The following FGF12 variants were observed in gnomAD, a reference collection of about 807,000 sequenced individuals.
The protein encoded by FGF12 is fibroblast growth factor 12, also known as fibroblast growth factor 12B.
FGF12 carries 14 observed loss-of-function variants against 23.6 expected under a neutral mutation model. The ratio of observed to expected loss-of-function variants is 0.59; its 90% CI spans 0.39 to 0.93. The LOEUF (loss-of-function observed/expected upper bound fraction) is 0.93, where lower values mean the gene tolerates loss of function less well. Ranked by LOEUF, FGF12 falls within the 40% of genes least tolerant of loss-of-function variation. FGF12 has a pLI of 0.00. For synonymous variants in FGF12, 62 were observed against 77.3 expected, an observed-to-expected ratio of 0.80 and a Z score of 1.04; for missense variants, 175 against 217.8, an observed-to-expected ratio of 0.80 and a Z score of 1.24.
intron 2 of FGF12, among the ~76,000 whole-genome samples, chr3:192,534,386 T>C (rs1725176840): frequency 6.6e-6 from 1 of 152,076 alleles, no homozygotes; most frequent in South Asian, 2.1e-4. Context: ...AAACCAGATG[T>C]AAGCTCTTTA....
At chr3:192,433,412 T>C (rs577929759) in intron 2 of FGF12, among the ~76,000 whole-genome samples, 1 of 152,168 alleles carries the variant, frequency 6.6e-6, no homozygotes, top group South Asian at 2.1e-4. Context: ...AAATATCAAA[T>C]TACTTACCAA....
chr3:192,661,324 C>T (rs993747878), intron 2 of FGF12, among the ~76,000 whole-genome samples: 3 of 152,184 alleles, frequency 2.0e-5, no homozygotes, highest in African/African-American at 7.2e-5. Context: ...GAGTTTGAGA[C>T]CAGCCTGACC....
At chr3:192,202,689 G>C (rs957479970) in intron 4 of FGF12, among the ~76,000 whole-genome samples, 2 of 152,154 alleles carry the variant, frequency 1.3e-5, no homozygotes, top group Non-Finnish European at 2.9e-5. Context: ...TTCTCCCTAT[G>C]TGAATTTGCA....
intron 2 of FGF12, among the ~76,000 whole-genome samples, chr3:192,710,737 CAGG>C (rs1216803864): frequency 1.3e-5 from 2 of 152,210 alleles, no homozygotes; most frequent in Non-Finnish European, 2.9e-5. Flanking sequence ...TCCACAATCC[CAGG>C]AGAAGACTAG....
intron 4 of FGF12, among the ~76,000 whole-genome samples, chr3:192,334,823 T>C (rs939266978): frequency 6.6e-6 from 1 of 152,168 alleles, no homozygotes; most frequent in Non-Finnish European, 1.5e-5. Flanking sequence ...ATATCCTTGC[T>C]CGTAATCCAG....
intron 4 of FGF12, among the ~76,000 whole-genome samples, chr3:192,277,812 G>A (rs749539039): frequency 3.9e-5 from 6 of 152,278 alleles, no homozygotes; most frequent in Admixed American, 1.3e-4. Context: ...GCCCTGGCTG[G>A]AGTGCAGTGG....
intron 2 of FGF12, among the ~76,000 whole-genome samples, chr3:192,576,764 T>C (rs1311195551): frequency 6.6e-6 from 1 of 152,142 alleles, no homozygotes; most frequent in Admixed American, 6.5e-5. Context: ...TCATCATGTT[T>C]ATTGCGGCAC....
At chr3:192,434,819 T>C (rs923442931) in intron 2 of FGF12, among the ~76,000 whole-genome samples, 2 of 152,050 alleles carry the variant, frequency 1.3e-5, no homozygotes, top group Admixed American at 6.6e-5. Flanking sequence ...AAAACCCCTA[T>C]GATCAGGATA....
chr3:192,554,594 A>G (rs1711679718), intron 2 of FGF12, among the ~76,000 whole-genome samples: 1 of 152,214 alleles, frequency 6.6e-6, no homozygotes, highest in Non-Finnish European at 1.5e-5. Flanking sequence ...CCAGTTCATA[A>G]AAACTGATAT....
At chr3:192,322,632 G>A (rs922661504) in intron 4 of FGF12, among the ~76,000 whole-genome samples, 49 of 151,970 alleles carry the variant, frequency 3.2e-4, no homozygotes, top group Admixed American at 3.2e-3. Flanking sequence ...CAACATGGTA[G>A]TGGCATAAAA....
chr3:192,343,500 T>G (rs931280436), intron 3 of FGF12, among the ~76,000 whole-genome samples: 2 of 152,128 alleles, frequency 1.3e-5, no homozygotes, highest in African/African-American at 4.8e-5. Context: ...ACTCAATTGG[T>G]TTTTCCTCAG....
chr3:192,164,638 CA>C, intron 5 of FGF12, among the ~76,000 whole-genome samples: 1 of 152,118 alleles, frequency 6.6e-6, no homozygotes, highest in Non-Finnish European at 1.5e-5. Flanking sequence ...AAGCAAAACC[CA>C]AAGCCAAAAA....
chr3:192,336,903 C>T lies in FGF12; in HGVS notation c.125-1439G>A, dbSNP rs1034156200. ...AAGTTTAGTAGAACAGGATTCCATT[C>T]TTAGCTGTCGACATCGGATCAGTCC... On this transcript the variant is annotated intron_variant, in intron 3 of 5. Coordinates refer to ENST00000445105, the MANE Select transcript of FGF12 (RefSeq NM_004113.6). The surrounding 1 kb of genome is among the most constrained non-coding windows in gnomAD (Gnocchi z 4.3). 6.6e-6 allele frequency among the ~76,000 whole-genome samples: 1 copy of T among 152,156 alleles called. No individual in the cohort carries two copies. The highest frequency in any genetic ancestry group is 1.5e-5 in the Non-Finnish European group (1 of 68,030).
rs534114202 is a variant in FGF12, at chr3:192,334,883, A to G, written c.228+478T>C. Among the ~76,000 whole-genome samples the G allele has an allele frequency of 8.5e-5, 13 of 152,296 alleles. No individual in the cohort carries two copies. The South Asian group carries it at 1.0e-3, about 12-fold the overall frequency. On this transcript the variant is annotated intron_variant, in intron 4 of 5. Coordinates refer to ENST00000445105, the MANE Select transcript of FGF12 (RefSeq NM_004113.6). ...CCTTTAAATTAAAGTTATTCTGAGA[A>G]TCTGACATATTAGATAAAACATAGA... is the stretch of plus-strand genomic sequence containing the variant.
chr3:192,422,907 T>C (rs1721576312), intron 2 of FGF12, among the ~76,000 whole-genome samples: 1 of 152,148 alleles, frequency 6.6e-6, no homozygotes. Context: ...TTCTTTTTTG[T>C]TCTATATGCA....
rs200578658 is a variant in FGF12, at chr3:192,181,364, G to GAC, written c.229-10710_229-10709dup. Among the ~76,000 whole-genome samples the GAC allele has an allele frequency of 9.2e-3, 1,314 of 142,834 alleles. 46 individuals are homozygous for GAC. The South Asian group carries it at 0.12, about 13-fold the overall frequency. The allele number at this position is 142,834 out of a possible 152,430, so 93.7% of individuals were successfully genotyped here. On this transcript the variant is annotated intron_variant, in intron 4 of 5. Coordinates refer to ENST00000445105, the MANE Select transcript of FGF12 (RefSeq NM_004113.6). ...GACAAGACCTACACGCACACACACA[G>GAC]ACACACACACACAGACACACACACA...
intron 2 of FGF12, among the ~76,000 whole-genome samples, chr3:192,361,897 T>A (rs1019086303): frequency 6.6e-6 from 1 of 152,170 alleles, no homozygotes; most frequent in Non-Finnish European, 1.5e-5. Context: ...AAATTGGGAA[T>A]GAGGAAGCAG....
At chr3:192,611,054 T>A (rs1182642364) in intron 2 of FGF12, among the ~76,000 whole-genome samples, 3 of 152,086 alleles carry the variant, frequency 2.0e-5, no homozygotes, top group Non-Finnish European at 2.9e-5. Context: ...CAAGAACTTC[T>A]GTCTGTTTTG....
rs73887681 is a variant in FGF12 at position 192,719,766 on chromosome 3, T to C, written c.13+7415A>G. 3.0e-3 allele frequency among the ~76,000 whole-genome samples: 412 copies of C among 138,132 alleles called. 5 individuals carry two copies. Among genetic ancestry groups the C allele is most frequent in the African/African-American group, 0.011 (401 of 36,888 alleles). 90.6% of individuals were successfully genotyped at this position (138,132 alleles called of 152,430 possible). On this transcript the variant is annotated intron_variant, in intron 2 of 5. Transcript: ENST00000445105. ...AGTATCTAACCCCAATTTATTATAATATGTGAAAGAGACTAAGGGCAAAAA... is the reference window on the plus strand; with the variant it reads ...AGTATCTAACCCCAATTTATTATAACATGTGAAAGAGACTAAGGGCAAAAA...
Sources: gnomAD v4.1 joint callset for allele counts (sites outside exome capture counted in the v4.1 genomes callset) on GRCh38, gnomAD v4.1.1 for gene constraint, Gnocchi (gnomAD v3.1) non-coding constraint, MANE v1.5 for transcripts, NCBI Gene and HGNC (gene_info 2026-07-23, HGNC 2026-07-21) for gene names.